The following TPRG1 variants were observed in gnomAD, a reference collection of about 807,000 sequenced individuals.
TPRG1 encodes the protein tumor protein p63 regulated 1, also known as tumor protein p63-regulated gene 1 protein.
In TPRG1, 29 loss-of-function variants were observed where a neutral mutation model predicts 29.3. The observed-to-expected ratio is 0.99, with a 90% CI of 0.74 to 1.35. The LOEUF is 1.35. Among genes scored for constraint, TPRG1 ranks in the 40% most tolerant of loss-of-function variants. The probability of loss-of-function intolerance (pLI) is 0.00; values close to 1 mark genes in which losing one functional copy is unlikely to be tolerated. For missense variants in TPRG1, 327 were observed against 335.0 expected (o/e 0.98, Z 0.19); for synonymous variants, 130 against 116.8 (o/e 1.11, Z -0.73).
At chr3:189,169,855 G>T (rs1006360290), upstream of TPRG1, among the ~76,000 whole-genome samples, 3 of 152,200 alleles carry the variant, frequency 2.0e-5, no homozygotes, top group Admixed American at 2.0e-4. Flanking sequence ...CCAGTGAGCA[G>T]CTGAGCAGGG....
intron 5 of TPRG1, among the ~76,000 whole-genome samples, chr3:189,316,280 G>T (rs1290334100): frequency 6.6e-6 from 1 of 152,176 alleles, no homozygotes; most frequent in Non-Finnish European, 1.5e-5. Context: ...GCTCTATGAG[G>T]ATAATTCCAG....
At chr3:189,302,226 G>C (rs1340132514) in intron 4 of TPRG1, among the ~76,000 whole-genome samples, 1 of 152,020 alleles carries the variant, frequency 6.6e-6, no homozygotes, top group Non-Finnish European at 1.5e-5. Context: ...TATATCTTTC[G>C]AGGTCCTTGC....
chr3:189,279,568 A>G (rs972866286), intron 4 of TPRG1, among the ~76,000 whole-genome samples: 1 of 152,200 alleles, frequency 6.6e-6, no homozygotes, highest in Non-Finnish European at 1.5e-5. Flanking sequence ...GTAAATGGAC[A>G]TAATTTTACC....
At chr3:189,285,581 CA>C (rs1204381553) in intron 4 of TPRG1, among the ~76,000 whole-genome samples, 2 of 152,220 alleles carry the variant, frequency 1.3e-5, no homozygotes, top group African/African-American at 2.4e-5. Context: ...TCTGAAAGAG[CA>C]AAGCGTTTCC....
At chr3:189,318,198 A>G (rs1723859516) in intron 5 of TPRG1, among the ~76,000 whole-genome samples, 1 of 152,114 alleles carries the variant, frequency 6.6e-6, no homozygotes, top group Non-Finnish European at 1.5e-5. Flanking sequence ...TAACATCCTA[A>G]CATGCAGAAG....
chr3:189,102,716 G>C (rs1159981420), intron 1 of TPRG1, among the ~76,000 whole-genome samples: 1 of 152,024 alleles, frequency 6.6e-6, no homozygotes, highest in African/African-American at 2.4e-5. Context: ...ATTCTTCCAT[G>C]GTTCCCCAAA....
At chr3:189,218,358 C>T (rs575710320) in intron 3 of TPRG1, among the ~76,000 whole-genome samples, 2 of 152,222 alleles carry the variant, frequency 1.3e-5, no homozygotes, top group Admixed American at 1.3e-4. Flanking sequence ...CCTCGTGATC[C>T]GCCTGCCTCG....
intron 4 of TPRG1, among the ~76,000 whole-genome samples, chr3:189,034,903 C>A (rs2152131459): frequency 6.6e-6 from 1 of 152,250 alleles, no homozygotes; most frequent in East Asian, 1.9e-4. Context: ...TATCAAATTA[C>A]CAATGTCATT....
intron 4 of TPRG1, among the ~76,000 whole-genome samples, chr3:189,077,324 TTAAC>T (rs1375457658): frequency 1.8e-4 from 28 of 152,238 alleles, no homozygotes; most frequent in African/African-American, 5.8e-4. Flanking sequence ...AAACATCATA[TTAAC>T]TGAATGAAGC....
chr3:189,042,307 C>G (rs1196180185), intron 4 of TPRG1, among the ~76,000 whole-genome samples: 1 of 151,932 alleles, frequency 6.6e-6, no homozygotes, highest in Non-Finnish European at 1.5e-5. Context: ...TTTTATTTTT[C>G]TAGTATCTTA....
intron 3 of TPRG1, chr3:189,218,066 G>C (rs2108850416): frequency 1.0e-6 from 1 of 982,696 alleles, no homozygotes; most frequent in Middle Eastern, 5.2e-4. Flanking sequence ...ATGAATTATA[G>C]GAGCTGTAAT....
In TPRG1 at chr3:189,251,840, A is replaced by G. The variant is rs538752889; in HGVS notation, c.479+12931A>G. On this transcript the variant is annotated intron_variant, in intron 4 of 5. Transcript: ENST00000345063. ...ATTCCATTGCCCAGGGACGGGCAGGAGACAGATGCCTTCCACTTGTCTCAA... is the reference window on the plus strand; with the variant it reads ...ATTCCATTGCCCAGGGACGGGCAGGGGACAGATGCCTTCCACTTGTCTCAA... Among the ~76,000 whole-genome samples, 33 of 152,152 alleles carry G rather than the reference A, an allele frequency of 2.2e-4. 2 individuals carry two copies. The South Asian group carries it at 6.9e-3, about 32-fold the overall frequency.
intron 4 of TPRG1, among the ~76,000 whole-genome samples, chr3:189,054,015 G>A (rs1170852874): frequency 2.6e-5 from 4 of 152,080 alleles, no homozygotes; most frequent in South Asian, 2.1e-4. Context: ...TCACAGTTTG[G>A]CTGTTTGGGG....
intron 3 of TPRG1, among the ~76,000 whole-genome samples, chr3:189,020,662 A>G (rs1713247780): frequency 1.4e-5 from 2 of 141,634 alleles, no homozygotes. Context: ...TATGTGGTCA[A>G]TTTTGGAATA....
At chr3:189,164,157 CTCTTTT>C (rs951472729) in intron 5 of TPRG1, among the ~76,000 whole-genome samples, 5 of 151,808 alleles carry the variant, frequency 3.3e-5, no homozygotes, top group African/African-American at 7.2e-5. Flanking sequence ...CTGAGTTTTA[CTCTTTT>C]TCTTTTTCTT....
At chr3:189,244,256 C>A (rs570894880) in intron 4 of TPRG1, among the ~76,000 whole-genome samples, 10 of 151,846 alleles carry the variant, frequency 6.6e-5, no homozygotes, top group Non-Finnish European at 1.3e-4. Flanking sequence ...ATGGTGAAAC[C>A]CCGTTTCTAT....
At chr3:189,276,895 T>C (rs573622150) in intron 4 of TPRG1, among the ~76,000 whole-genome samples, 5 of 152,196 alleles carry the variant, frequency 3.3e-5, no homozygotes, top group African/African-American at 7.2e-5. Flanking sequence ...TTTTTTTAGT[T>C]AGTGGATAAA....
chr3:189,320,850 C>G lies in TPRG1; in HGVS notation c.*30C>G, dbSNP rs767417804. The G allele has an allele frequency of 4.7e-6, 7 of 1,477,958 alleles. No individual in the cohort carries two copies. The highest frequency in any genetic ancestry group is 6.3e-6 in the Non-Finnish European group (7 of 1,105,130). 91.6% of individuals were successfully genotyped at this position (1,477,958 alleles called of 1,614,324 possible). A position where few individuals can be genotyped will look rare whatever the true frequency, so the allele number is the denominator to read the frequency against. ...CTTTTTGGTACCATAAGCATATCAT[C>G]CACAGATATGTCACTTTGAAAATTC... On this transcript the variant is annotated 3_prime_UTR_variant, in exon 6 of 6. Transcript: ENST00000345063.
chr3:189,266,428 T>G (rs1451827607), intron 4 of TPRG1, among the ~76,000 whole-genome samples: 2 of 152,138 alleles, frequency 1.3e-5, no homozygotes, highest in Non-Finnish European at 2.9e-5. Flanking sequence ...AAAAGGAGTG[T>G]TCATCATTCA....
Sources: gnomAD v4.1 joint callset for allele counts (sites outside exome capture counted in the v4.1 genomes callset) on GRCh38, gnomAD v4.1.1 for gene constraint, MANE v1.5 for transcripts, NCBI Gene and HGNC (gene_info 2026-07-23, HGNC 2026-07-21) for gene names.